Variants in SYN3 observed in about 807,000 individuals in gnomAD.
The protein encoded by SYN3 is synapsin III, also known as synapsin-3.
A neutral mutation model predicts 65.8 loss-of-function variants in SYN3; 35 were observed. The ratio of observed to expected loss-of-function variants is 0.53; its 90% CI spans 0.41 to 0.70. The LOEUF (loss-of-function observed/expected upper bound fraction) is 0.70, where lower values mean the gene tolerates loss of function less well. SYN3 is among the 30% of genes least tolerant of loss of function. The probability of loss-of-function intolerance (pLI) is 0.00; values close to 1 mark genes in which losing one functional copy is unlikely to be tolerated. For missense variants in SYN3, 680 were observed against 749.0 expected, an observed-to-expected ratio of 0.91 and a Z score of 1.08; for synonymous variants, 270 against 292.9, an observed-to-expected ratio of 0.92 and a Z score of 0.80.
At chr22:33,049,616 A>G (rs2145968172) in intron 1 of SYN3, among the ~76,000 whole-genome samples, 1 of 152,288 alleles carries the variant, frequency 6.6e-6, no homozygotes, top group African/African-American at 2.4e-5. Context: ...CAGCTCCACC[A>G]ATTAATTAAA....
intron 2 of SYN3, among the ~76,000 whole-genome samples, chr22:32,982,394 C>T (rs2052397414): frequency 6.6e-6 from 1 of 151,990 alleles, no homozygotes; most frequent in Admixed American, 6.6e-5. Flanking sequence ...CCTCTGTCTT[C>T]CCCATCATCA....
At chr22:32,769,446 T>A (rs2045709842) in intron 6 of SYN3, among the ~76,000 whole-genome samples, 1 of 152,132 alleles carries the variant, frequency 6.6e-6, no homozygotes. Context: ...TCTCTCACTC[T>A]TGATTCTCAT....
chr22:32,984,895 G>GTGTT (rs1283811863), intron 2 of SYN3, among the ~76,000 whole-genome samples: 1 of 152,182 alleles, frequency 6.6e-6, no homozygotes, highest in Non-Finnish European at 1.5e-5. Context: ...CACTGACCAT[G>GTGTT]TGTTCTAAGA....
chr22:32,947,255 AACC>A (rs1457161988), intron 3 of SYN3, among the ~76,000 whole-genome samples: 2 of 152,086 alleles, frequency 1.3e-5, no homozygotes, highest in Admixed American at 6.6e-5. Context: ...TCTTTTTCTC[AACC>A]AATGTCCCCT....
At chr22:32,721,404 T>C (rs990269308) in intron 6 of SYN3, among the ~76,000 whole-genome samples, 2 of 152,142 alleles carry the variant, frequency 1.3e-5, no homozygotes, top group Non-Finnish European at 2.9e-5. Flanking sequence ...GTCCCAGGTG[T>C]CTTCAATAAA....
In SYN3 at chr22:32,516,090, A is replaced by G. The variant is rs764812664; in HGVS notation, c.1610+1953T>C. Among the ~76,000 whole-genome samples the G allele has an allele frequency of 2.1e-3, 322 of 152,288 alleles. 3 individuals carry two copies. Among genetic ancestry groups the G allele is most frequent in the Non-Finnish European group, 3.3e-3 (227 of 68,020 alleles). The stretch of plus-strand genomic sequence containing the variant: ...TGGGATTACAGGCATGAGCCATCGC[A>G]TCCAGCCCAGGATTTATTATTAAAC... On this transcript the variant is annotated intron_variant, in intron 13 of 13. Coordinates refer to ENST00000358763, the MANE Select transcript of SYN3 (RefSeq NM_003490.4).
intron 6 of SYN3, among the ~76,000 whole-genome samples, chr22:32,814,341 G>A (rs938958583): frequency 7.4e-6 from 1 of 135,568 alleles, no homozygotes; most frequent in Admixed American, 7.3e-5. Flanking sequence ...GAAAGAAAGA[G>A]AAAGAAAGAG....
At chr22:32,593,082 G>T (rs760907117) in intron 7 of SYN3, among the ~76,000 whole-genome samples, 3 of 152,244 alleles carry the variant, frequency 2.0e-5, no homozygotes, top group Non-Finnish European at 2.9e-5. Flanking sequence ...CGTACCACAG[G>T]TACCAGCTTT....
intron 3 of SYN3, among the ~76,000 whole-genome samples, chr22:32,960,531 C>T (rs56076355): frequency 0.053 from 8,140 of 152,268 alleles, 711 homozygotes; most frequent in African/African-American, 0.18. Context: ...GCTGTGCCTC[C>T]TCCTTCTAGG....
chr22:32,751,151 G>C (rs1221525694), intron 6 of SYN3, among the ~76,000 whole-genome samples: 2 of 152,126 alleles, frequency 1.3e-5, no homozygotes, highest in African/African-American at 4.8e-5. Flanking sequence ...GTGACGCCAG[G>C]AGGGACGCTG....
chr22:32,724,175 C>T (rs1270258960), intron 6 of SYN3, among the ~76,000 whole-genome samples: 2 of 152,220 alleles, frequency 1.3e-5, no homozygotes, highest in Non-Finnish European at 2.9e-5. Flanking sequence ...TAAGCCAATG[C>T]TATTTAACAA....
chr22:32,859,107 C>G lies in SYN3; in HGVS notation c.711+5808G>C, dbSNP rs907803398. Reference sequence around the variant, plus strand: ...CATGCAGTGGCCCCAGGGTCTGAATCCAGGCTCGGTAGCCTCAGGCCTGGG... The same window carrying G: ...CATGCAGTGGCCCCAGGGTCTGAATGCAGGCTCGGTAGCCTCAGGCCTGGG... On this transcript the variant is annotated intron_variant, in intron 6 of 13. Transcript: ENST00000358763. 2.2e-5 allele frequency: 34 copies of G among 1,534,190 alleles called. 1 individual carries two copies. Among genetic ancestry groups the G allele is most frequent in the Non-Finnish European group, 3.0e-5 (33 of 1,108,040 alleles).
At chr22:32,589,219 T>C (rs73881744) in intron 7 of SYN3, among the ~76,000 whole-genome samples, 10,322 of 152,242 alleles carry the variant, frequency 0.068, 370 homozygotes, top group Middle Eastern at 0.078. Flanking sequence ...GCCAAGAACC[T>C]TCCCAGGCTA....
rs750026729 is a variant in SYN3 at position 32,720,792 on chromosome 22, C to T, written c.712-124056G>A. 3.3e-5 allele frequency among the ~76,000 whole-genome samples: 5 copies of T among 152,138 alleles called. No homozygotes were observed. The South Asian group carries it at 8.3e-4, about 25-fold the overall frequency. ...TATTATTAGGCATTGCCTGACTTGG[C>T]GCCCAGGCCTAAAAAGAACTCAGCA... On this transcript the variant is annotated intron_variant, in intron 6 of 13. Coordinates refer to ENST00000358763, the MANE Select transcript of SYN3 (RefSeq NM_003490.4).
intron 12 of SYN3, among the ~76,000 whole-genome samples, chr22:32,521,660 C>T (rs561265069): frequency 5.9e-5 from 9 of 152,002 alleles, no homozygotes; most frequent in Non-Finnish European, 1.3e-4. Flanking sequence ...ATTGGCCAGG[C>T]TGGTCTCGAA....
intron 4 of SYN3, among the ~76,000 whole-genome samples, chr22:32,889,418 G>A (rs2049380637): frequency 4.1e-5 from 6 of 146,400 alleles, no homozygotes; most frequent in Non-Finnish European, 4.5e-5. Flanking sequence ...CCTCCACAAG[G>A]AAAAAAAAAA....
chr22:32,857,991 C>G, intron 6 of SYN3: 1 of 1,614,108 alleles, frequency 6.2e-7, no homozygotes, highest in Non-Finnish European at 8.5e-7. Flanking sequence ...AACAACCTCT[C>G]CTTGTTTTCT....
chr22:32,965,575 T>TGC (rs2051808801), intron 3 of SYN3, among the ~76,000 whole-genome samples: 1 of 149,536 alleles, frequency 6.7e-6, no homozygotes, highest in Non-Finnish European at 1.5e-5. Context: ...TGTGTGTGTG[T>TGC]GCATGCTTGT....
At chr22:32,622,413 T>C (rs2059607822) in intron 6 of SYN3, among the ~76,000 whole-genome samples, 1 of 152,182 alleles carries the variant, frequency 6.6e-6, no homozygotes, top group South Asian at 2.1e-4. Flanking sequence ...GATTTCCTTC[T>C]GCATCCTGCC....
Sources: gnomAD v4.1 joint callset for allele counts (sites outside exome capture counted in the v4.1 genomes callset) on GRCh38, gnomAD v4.1.1 for gene constraint, MANE v1.5 for transcripts, NCBI Gene and HGNC (gene_info 2026-07-23, HGNC 2026-07-21) for gene names.